Variants in FARS2 observed in about 807,000 individuals in gnomAD.
FARS2 encodes the protein phenylalanyl-tRNA synthetase 2, mitochondrial, also known as phenylalanine--tRNA ligase, mitochondrial.
A neutral mutation model predicts 46.4 loss-of-function variants in FARS2; 40 were observed. The ratio of observed to expected loss-of-function variants is 0.86; its 90% CI spans 0.67 to 1.12. FARS2 has a LOEUF of 1.12. Among genes scored for constraint, FARS2 ranks in the 50% most tolerant of loss-of-function variants. The probability of loss-of-function intolerance (pLI) is 0.00; values close to 1 mark genes in which losing one functional copy is unlikely to be tolerated. For synonymous variants in FARS2, 234 were observed against 214.9 expected, an observed-to-expected ratio of 1.09 and a Z score of -0.78; for missense variants, 513 against 567.9, an observed-to-expected ratio of 0.90 and a Z score of 0.98.
intron 1 of FARS2, among the ~76,000 whole-genome samples, chr6:5,292,911 C>T (rs1010664147): frequency 3.3e-5 from 5 of 152,086 alleles, no homozygotes; most frequent in African/African-American, 1.2e-4. Context: ...TAGGAGCGTT[C>T]ATGGAGGTGG....
intron 4 of FARS2, among the ~76,000 whole-genome samples, chr6:5,436,752 G>A (rs34098975): frequency 0.043 from 6,485 of 152,192 alleles, 216 homozygotes; most frequent in Non-Finnish European, 0.064. Flanking sequence ...TAAAATGTCT[G>A]TTCATAGAGC....
chr6:5,673,614 G>A (rs945865997), intron 6 of FARS2, among the ~76,000 whole-genome samples: 6 of 152,110 alleles, frequency 3.9e-5, no homozygotes, highest in Non-Finnish European at 7.4e-5. Context: ...TGGAAGTGAG[G>A]GACAGATACA....
At chr6:5,657,782 G>A (rs754466968) in intron 6 of FARS2, among the ~76,000 whole-genome samples, 16 of 152,148 alleles carry the variant, frequency 1.1e-4, no homozygotes, top group Admixed American at 7.2e-4. Context: ...AAAACTTTCC[G>A]TTATGGTCAG....
At chr6:5,439,779 G>A (rs1763738656) in intron 4 of FARS2, among the ~76,000 whole-genome samples, 1 of 152,218 alleles carries the variant, frequency 6.6e-6, no homozygotes, top group South Asian at 2.1e-4. Flanking sequence ...TTTGAGGCCA[G>A]TTAGTTGAGA....
intron 5 of FARS2, among the ~76,000 whole-genome samples, chr6:5,573,963 C>T (rs1268530823): frequency 6.6e-6 from 1 of 152,148 alleles, no homozygotes. Flanking sequence ...TGTATTTGCT[C>T]ACCAAAATAA....
At chr6:5,641,921 C>T (rs1016162316) in intron 6 of FARS2, among the ~76,000 whole-genome samples, 4 of 152,172 alleles carry the variant, frequency 2.6e-5, no homozygotes, top group Admixed American at 6.5e-5. Flanking sequence ...GTAGGTCCAT[C>T]GGAAAGCTGC....
At chr6:5,260,795 A>G, upstream of FARS2, 1 of 1,533,392 alleles carries the variant, frequency 6.5e-7, no homozygotes, top group Non-Finnish European at 8.7e-7. Flanking sequence ...GACCCAACCC[A>G]CGAAACTCCA....
intron 5 of FARS2, chr6:5,609,872 C>G: frequency 1.0e-6 from 1 of 990,562 alleles, no homozygotes; most frequent in Non-Finnish European, 1.6e-6. Context: ...TTAATGCCAC[C>G]AACAAATGCC....
At position 5,273,699 on chromosome 6, in the gene FARS2, TG is replaced by T. The variant is rs1766127443; in HGVS notation, c.-22+12040del. ...TGATGTAATCTAATTTTTCTCTTTT[TG>T]CTTTGGTGGCCTGTACTTTTGAGGT... is the stretch of plus-strand genomic sequence containing the variant. On this transcript the variant is annotated intron_variant, in intron 1 of 6. Transcript: ENST00000274680. Among the ~76,000 whole-genome samples the T allele has an allele frequency of 3.3e-5, 5 of 152,362 alleles. No individual in the cohort carries two copies. The South Asian group carries it at 8.3e-4, about 25-fold the overall frequency.
chr6:5,690,002 C>T (rs1245848028), intron 6 of FARS2, among the ~76,000 whole-genome samples: 1 of 152,154 alleles, frequency 6.6e-6, no homozygotes, highest in Non-Finnish European at 1.5e-5. Context: ...TCTGTTTTAT[C>T]CAAGACTAGG....
At chr6:5,587,572 A>C (rs1407151689) in intron 5 of FARS2, among the ~76,000 whole-genome samples, 1 of 152,208 alleles carries the variant, frequency 6.6e-6, no homozygotes, top group Non-Finnish European at 1.5e-5. Context: ...CAAAGTTTTC[A>C]TGACTCAATT....
At chr6:5,534,338 A>C (rs1329611005) in intron 4 of FARS2, among the ~76,000 whole-genome samples, 1 of 152,232 alleles carries the variant, frequency 6.6e-6, no homozygotes, top group East Asian at 1.9e-4. Context: ...AGTGGCATTA[A>C]TAACATTTAC....
chr6:5,600,321 C>T lies in FARS2; in HGVS notation c.1066-12848C>T, dbSNP rs1017024957. On this transcript the variant is annotated intron_variant, in intron 5 of 6. Coordinates refer to ENST00000274680, the MANE Select transcript of FARS2 (RefSeq NM_006567.5). ...GGGATGTTTAGAACTTGATGAGTCTCGTGTGGTTTCTTAATGAAGTAACAG... is the reference window on the plus strand; with the variant it reads ...GGGATGTTTAGAACTTGATGAGTCTTGTGTGGTTTCTTAATGAAGTAACAG... Among the ~76,000 whole-genome samples, 28 of 152,214 alleles carry T rather than the reference C, an allele frequency of 1.8e-4. No homozygotes were observed. The East Asian group carries it at 3.5e-3, about 19-fold the overall frequency.
At chr6:5,416,262 A>T (rs1185159094) in intron 3 of FARS2, among the ~76,000 whole-genome samples, 2 of 152,170 alleles carry the variant, frequency 1.3e-5, no homozygotes, top group Non-Finnish European at 2.9e-5. Flanking sequence ...TAGAAGTTTT[A>T]TAGTTTTCAG....
intron 2 of FARS2, among the ~76,000 whole-genome samples, chr6:5,389,620 A>T (rs1001795111): frequency 4.6e-5 from 7 of 152,188 alleles, no homozygotes; most frequent in Non-Finnish European, 8.8e-5. Context: ...AGATTGACTT[A>T]TGAAGCTAGA....
At chr6:5,286,793 A>G (rs1767147776) in intron 1 of FARS2, among the ~76,000 whole-genome samples, 1 of 152,230 alleles carries the variant, frequency 6.6e-6, no homozygotes, top group African/African-American at 2.4e-5. Context: ...TGTAACACAT[A>G]TGTTGGCATG....
At chr6:5,470,308 A>G (rs1329018235) in intron 4 of FARS2, among the ~76,000 whole-genome samples, 5 of 152,258 alleles carry the variant, frequency 3.3e-5, no homozygotes, top group Non-Finnish European at 5.9e-5. Context: ...AAGTAGACGT[A>G]GAGATGATTT....
chr6:5,287,430 G>C (rs926922175), intron 1 of FARS2, among the ~76,000 whole-genome samples: 2 of 152,124 alleles, frequency 1.3e-5, no homozygotes, highest in African/African-American at 4.8e-5. Context: ...CGGCCGCACT[G>C]TTTCCTCTTT....
At chr6:5,750,957 G>T (rs1761911069) in intron 6 of FARS2, among the ~76,000 whole-genome samples, 1 of 152,064 alleles carries the variant, frequency 6.6e-6, no homozygotes, top group Non-Finnish European at 1.5e-5. Context: ...ACTCAACCTA[G>T]AACTTGATGC....
Sources: gnomAD v4.1 joint callset for allele counts (sites outside exome capture counted in the v4.1 genomes callset) on GRCh38, gnomAD v4.1.1 for gene constraint, MANE v1.5 for transcripts, NCBI Gene and HGNC (gene_info 2026-07-23, HGNC 2026-07-21) for gene names.